The following LRBA variants were observed in gnomAD, a reference collection of about 807,000 sequenced individuals.
LRBA encodes LPS responsive beige-like anchor protein.
In LRBA, 176 loss-of-function variants were observed where a neutral mutation model predicts 330.0. That is an observed-to-expected ratio of 0.53 (90% CI 0.47 to 0.60). The LOEUF (loss-of-function observed/expected upper bound fraction) is 0.60. Ranked by LOEUF, LRBA falls within the 20% of genes least tolerant of loss-of-function variation. The pLI is 0.00. For synonymous variants in LRBA, 1,230 were observed against 1,193.0 expected (o/e 1.03, Z -0.64); for missense variants, 3,259 against 3,444.8 (o/e 0.95, Z 1.35).
intron 40 of LRBA, 129 bp downstream of exon 40, chr4:150,587,919 C>A: frequency 1.1e-6 from 1 of 891,662 alleles, no homozygotes; most frequent in South Asian, 2.4e-5. Flanking sequence ...AAGATAATGA[C>A]ATTGCATATA....
At chr4:150,584,931 A>T (rs951503682) in intron 40 of LRBA, among the ~76,000 whole-genome samples, 3 of 152,244 alleles carry the variant, frequency 2.0e-5, no homozygotes, top group Non-Finnish European at 2.9e-5. Flanking sequence ...AGATGTTAAG[A>T]TTAAAAGTAA....
intron 39 of LRBA, among the ~76,000 whole-genome samples, chr4:150,588,457 A>C (rs546165617): frequency 3.3e-5 from 5 of 152,290 alleles, no homozygotes; most frequent in African/African-American, 1.2e-4. Flanking sequence ...GCTTTGGTCT[A>C]ATCTCTAGGT....
At chr4:150,336,687 G>T (rs543815516) in intron 48 of LRBA, among the ~76,000 whole-genome samples, 33 of 152,244 alleles carry the variant, frequency 2.2e-4, no homozygotes, top group South Asian at 8.3e-4. Context: ...AATGCACACA[G>T]ATTTTTCCAT....
chr4:150,853,063 CTA>C (rs1750798721), intron 22 of LRBA, 120 bp from the exon 23 acceptor site: 2 of 456,820 alleles, frequency 4.4e-6, no homozygotes, highest in South Asian at 8.8e-5. Flanking sequence ...CTTAATTTTC[CTA>C]TATTTTATTT....
intron 33 of LRBA, among the ~76,000 whole-genome samples, chr4:150,798,421 C>T (rs954878274): frequency 1.3e-5 from 2 of 152,170 alleles, no homozygotes; most frequent in African/African-American, 4.8e-5. Context: ...ATGTGCACAA[C>T]ATATGCCATA....
intron 47 of LRBA, among the ~76,000 whole-genome samples, chr4:150,393,101 C>T (rs981961332): frequency 2.6e-5 from 4 of 151,980 alleles, no homozygotes; most frequent in Non-Finnish European, 5.9e-5. Context: ...CTTAAGTATC[C>T]TCATTCTCTG....
intron 47 of LRBA, among the ~76,000 whole-genome samples, chr4:150,367,847 AAT>A (rs1303796126): frequency 6.6e-6 from 1 of 152,196 alleles, no homozygotes; most frequent in African/African-American, 2.4e-5. Context: ...TTCTATGAAG[AAT>A]ATTCTCCTTA....
At chr4:150,455,103 C>CGGCATTAT (rs1414673544) in intron 44 of LRBA, among the ~76,000 whole-genome samples, 1 of 150,924 alleles carries the variant, frequency 6.6e-6, no homozygotes, top group African/African-American at 2.4e-5. Flanking sequence ...TTAGGTATAT[C>CGGCATTAT]TCCCAATGCT....
intron 40 of LRBA, among the ~76,000 whole-genome samples, chr4:150,492,903 A>G (rs1759139913): frequency 6.6e-6 from 1 of 152,116 alleles, no homozygotes; most frequent in Non-Finnish European, 1.5e-5. Context: ...TCTAAACCCC[A>G]GTTACTCCAT....
chr4:150,555,483 G>C (rs1248812097), intron 40 of LRBA, among the ~76,000 whole-genome samples: 1 of 152,144 alleles, frequency 6.6e-6, no homozygotes, highest in African/African-American at 2.4e-5. Context: ...AATTGGCTGG[G>C]TGCACGCCTG....
chr4:150,478,720 C>T (rs1380077883), intron 42 of LRBA, among the ~76,000 whole-genome samples: 3 of 152,240 alleles, frequency 2.0e-5, no homozygotes, highest in East Asian at 3.9e-4. Flanking sequence ...ACTGTGCCTT[C>T]GTTCAAAGAA....
intron 17 of LRBA, among the ~76,000 whole-genome samples, chr4:150,889,439 G>T (rs10015967): frequency 0.068 from 10,340 of 152,118 alleles, 519 homozygotes; most frequent in East Asian, 0.19. Context: ...TCAGGTGATC[G>T]AGACCATCCT....
chr4:150,440,415 T>A (rs1751671842), intron 44 of LRBA, among the ~76,000 whole-genome samples: 1 of 152,008 alleles, frequency 6.6e-6, no homozygotes, highest in Non-Finnish European at 1.5e-5. Context: ...AAAATAGGTT[T>A]AAGTAAAATA....
chr4:150,908,563 G>C (rs1235758218), intron 10 of LRBA, 96 bp from the exon 11 acceptor site: 1 of 1,436,244 alleles, frequency 7.0e-7, no homozygotes, highest in Non-Finnish European at 9.5e-7. Flanking sequence ...CACTATAAAC[G>C]TGACATTCCA....
At chr4:150,549,600 G>T (rs939472639) in intron 40 of LRBA, among the ~76,000 whole-genome samples, 2 of 151,978 alleles carry the variant, frequency 1.3e-5, no homozygotes, top group African/African-American at 4.8e-5. Flanking sequence ...CAAAATGCTG[G>T]GATTACAGGC....
At chr4:150,346,058 G>A (rs541654026) in intron 48 of LRBA, among the ~76,000 whole-genome samples, 2 of 152,208 alleles carry the variant, frequency 1.3e-5, no homozygotes, top group East Asian at 1.9e-4. Flanking sequence ...TCCTCCTGCC[G>A]TGGCCTTCCA....
chr4:150,302,517 A>G, intron 53 of LRBA, 108 bp downstream of exon 53: 1 of 565,862 alleles, frequency 1.8e-6, no homozygotes, highest in Non-Finnish European at 2.9e-6. Flanking sequence ...AATAAAAAAT[A>G]CTTGATAATC....
chr4:150,665,976 C>T (rs1233562824), intron 37 of LRBA, among the ~76,000 whole-genome samples: 3 of 151,968 alleles, frequency 2.0e-5, no homozygotes, highest in Admixed American at 6.6e-5. Flanking sequence ...AAAAGAAGTA[C>T]AAATTGCATA....
intron 48 of LRBA, among the ~76,000 whole-genome samples, chr4:150,339,377 C>A (rs1364330667): frequency 6.6e-6 from 1 of 152,126 alleles, no homozygotes; most frequent in African/African-American, 2.4e-5. Flanking sequence ...ATGGCCAAAA[C>A]CCAGAACGCA....
Sources: allele counts gnomAD v4.1 joint callset (sites outside exome capture counted in the v4.1 genomes callset), GRCh38; gene constraint gnomAD v4.1.1; transcripts MANE v1.5; gene names NCBI Gene and HGNC (gene_info 2026-07-23, HGNC 2026-07-21).